The following RBFOX3 variants were observed in gnomAD, a reference collection of about 807,000 sequenced individuals.
RBFOX3 encodes RNA binding protein fox-1 homolog 3.
In RBFOX3, 17 loss-of-function variants were observed where a neutral mutation model predicts 48.7. The ratio of observed to expected loss-of-function variants is 0.35; its 90% CI spans 0.24 to 0.52. The LOEUF is 0.52. RBFOX3 is among the 20% of genes least tolerant of loss of function. The probability of loss-of-function intolerance (pLI) is 0.94; values close to 1 mark genes in which losing one functional copy is unlikely to be tolerated. For synonymous variants in RBFOX3, 212 were observed against 209.5 expected (o/e 1.01, Z -0.10); for missense variants, 382 against 497.5 (o/e 0.77, Z 2.21).
intron 2 of RBFOX3, among the ~76,000 whole-genome samples, chr17:79,459,428 A>C (rs1555747309): frequency 6.6e-6 from 1 of 152,256 alleles, no homozygotes; most frequent in Middle Eastern, 3.4e-3. Flanking sequence ...AGTCCTGTGG[A>C]ACCCAGTGTG....
chr17:79,172,066 C>T (rs766699403), intron 4 of RBFOX3, among the ~76,000 whole-genome samples: 3 of 147,832 alleles, frequency 2.0e-5, no homozygotes, highest in South Asian at 2.2e-4. Flanking sequence ...CCCAGCTACT[C>T]GGGAGGCTGA....
At chr17:79,244,637 G>T (rs150906905) in intron 3 of RBFOX3, among the ~76,000 whole-genome samples, 3 of 152,040 alleles carry the variant, frequency 2.0e-5, no homozygotes, top group Non-Finnish European at 4.4e-5. Flanking sequence ...GCTCTTCCAC[G>T]ACTTCTCCAT....
chr17:79,521,639 TCA>T (rs1330592575), intron 1 of RBFOX3, among the ~76,000 whole-genome samples: 19 of 151,016 alleles, frequency 1.3e-4, no homozygotes, highest in African/African-American at 4.4e-4. Context: ...TCATATACAC[TCA>T]CACACAGATA....
rs1003869010 is a variant in RBFOX3, at chr17:79,418,713, C to A, written c.-175+63741G>T. On this transcript the variant is annotated intron_variant, in intron 2 of 14. Coordinates refer to ENST00000693108, the MANE Select transcript of RBFOX3 (RefSeq NM_001350451.2). The surrounding 1 kb of genome is among the most constrained non-coding windows in gnomAD (Gnocchi z 5.0). ...CCTGGCATCCCCCAAGTCTGGGTGGCAAATCCACTCTCCTTAGACTTGCTG... is the reference window on the plus strand; with the variant it reads ...CCTGGCATCCCCCAAGTCTGGGTGGAAAATCCACTCTCCTTAGACTTGCTG... Among the ~76,000 whole-genome samples, 2 of 152,228 alleles carry A rather than the reference C, an allele frequency of 1.3e-5. No homozygotes were observed. The highest frequency in any genetic ancestry group is 1.9e-4 in the East Asian group (1 of 5,160).
intron 4 of RBFOX3, among the ~76,000 whole-genome samples, chr17:79,128,375 G>C (rs1411953565): frequency 1.3e-5 from 2 of 152,186 alleles, no homozygotes; most frequent in Non-Finnish European, 2.9e-5. Context: ...TGAGGTCCCA[G>C]AAGCAGGTTT....
At chr17:79,342,189 C>T (rs898861720) in intron 2 of RBFOX3, among the ~76,000 whole-genome samples, 3 of 152,186 alleles carry the variant, frequency 2.0e-5, no homozygotes, top group Admixed American at 1.3e-4. Context: ...ATTTATGGGG[C>T]CCTTGTTGGG....
Position 79,326,429 on chromosome 17 carries a change from G to A in RBFOX3, c.-174-18605C>T, listed in dbSNP as rs2146199077. ...CGCCCATGCACTTTGACACTGATGTGCACAGGGGAAGGGAAGAGAGTGAAT... is the reference window on the plus strand; with the variant it reads ...CGCCCATGCACTTTGACACTGATGTACACAGGGGAAGGGAAGAGAGTGAAT... On this transcript the variant is annotated intron_variant, in intron 2 of 14. Transcript: ENST00000693108. Among the ~76,000 whole-genome samples, 3 of 152,330 alleles carry A rather than the reference G, an allele frequency of 2.0e-5. No homozygotes were observed. The South Asian group carries it at 6.2e-4, about 32-fold the overall frequency.
At chr17:79,286,044 T>C (rs994764194) in intron 3 of RBFOX3, among the ~76,000 whole-genome samples, 3 of 152,226 alleles carry the variant, frequency 2.0e-5, no homozygotes, top group Non-Finnish European at 4.4e-5. Flanking sequence ...ATGGGCAGAA[T>C]GGCTGCTGGC....
intron 2 of RBFOX3, among the ~76,000 whole-genome samples, chr17:79,340,310 CAAAAAACAAAAA>C (rs1296612647): frequency 7.3e-6 from 1 of 137,318 alleles, no homozygotes; most frequent in Non-Finnish European, 1.6e-5. Flanking sequence ...AAAAAAAAAA[CAAAAAACAAAAA>C]CAAAACTCTC....
At position 79,103,214 on chromosome 17, in the gene RBFOX3, T is replaced by G. The variant is rs2076764410; in HGVS notation, c.455A>C (p.Asp152Ala). 1 of 1,551,270 alleles carries G rather than the reference T, an allele frequency of 6.4e-7. No individual in the cohort carries two copies. Among genetic ancestry groups the G allele is most frequent in the Non-Finnish European group, 8.7e-7 (1 of 1,146,900 alleles). The change falls in exon 8 of 15, where the codon GAC becomes GCC. Residue 152 changes from aspartate to alanine, a missense_variant. Coordinates refer to ENST00000693108, the MANE Select transcript of RBFOX3 (RefSeq NM_001350451.2). The surrounding 1 kb of genome is among the most constrained non-coding windows in gnomAD (Gnocchi z 6.1). Reference protein sequence around the residue: ...FVTFETSSDADRAREKLNGTI... With the variant: ...FVTFETSSDAARAREKLNGTI... ...CCCATTCAGCTTCTCCCGGGCTCGGTCAGCATCTGAGCTAGTTTCAAAAGT... is the reference window on the plus strand; with the variant it reads ...CCCATTCAGCTTCTCCCGGGCTCGGGCAGCATCTGAGCTAGTTTCAAAAGT...
At chr17:79,617,164 T>C in the RBFOX3 span, among the ~76,000 whole-genome samples, 1 of 152,138 alleles carries the variant, frequency 6.6e-6, no homozygotes, top group Non-Finnish European at 1.5e-5. Flanking sequence ...CACGCCTCCT[T>C]CTAGTTTCAT....
chr17:79,228,985 T>C (rs1447415852), intron 4 of RBFOX3, among the ~76,000 whole-genome samples: 2 of 151,850 alleles, frequency 1.3e-5, no homozygotes, highest in African/African-American at 4.8e-5. Context: ...CCCAGCACTT[T>C]GGGAGGCCGA....
At chr17:79,153,402 C>T (rs1010397858) in intron 4 of RBFOX3, among the ~76,000 whole-genome samples, 10 of 152,214 alleles carry the variant, frequency 6.6e-5, no homozygotes, top group Admixed American at 5.2e-4. Flanking sequence ...ATTCTCTCCA[C>T]GAGAAGCCCA....
intron 2 of RBFOX3, among the ~76,000 whole-genome samples, chr17:79,385,576 C>G (rs2060456727): frequency 6.6e-6 from 1 of 152,164 alleles, no homozygotes; most frequent in South Asian, 2.1e-4. Context: ...CTCAGTGAGT[C>G]ACAAAGACAG....
chr17:79,445,963 G>A (rs1156714800), intron 2 of RBFOX3, among the ~76,000 whole-genome samples: 1 of 152,226 alleles, frequency 6.6e-6, no homozygotes, highest in Non-Finnish European at 1.5e-5. Context: ...TGTCACAGCT[G>A]TGGCTGGGGG....
In RBFOX3 at chr17:79,477,241, AT is replaced by A. The variant is rs2077953845; in HGVS notation, c.-175+5212del. ...GAGCAAGGCTCCGTTTCAAAAAAAA[AT>A]AAATAAAGATAAATTAAAAAAAAAA... On this transcript the variant is annotated intron_variant, in intron 2 of 14. Coordinates refer to ENST00000693108, the MANE Select transcript of RBFOX3 (RefSeq NM_001350451.2). The surrounding 1 kb of genome is among the most constrained non-coding windows in gnomAD (Gnocchi z 4.8). Among the ~76,000 whole-genome samples, 1 of 128,822 alleles carries A rather than the reference AT, an allele frequency of 7.8e-6. No homozygotes were observed. Among genetic ancestry groups the A allele is most frequent in the Admixed American group, 8.6e-5 (1 of 11,576 alleles). 84.5% of individuals were successfully genotyped at this position (128,822 alleles called of 152,430 possible).
intron 1 of RBFOX3, among the ~76,000 whole-genome samples, chr17:79,519,482 AC>A (rs1269493439): frequency 6.6e-6 from 1 of 152,236 alleles, no homozygotes; most frequent in Non-Finnish European, 1.5e-5. Flanking sequence ...GGAGGAGGCC[AC>A]AGCCCTGCTT....
At chr17:79,377,889 A>G (rs1248619162) in intron 2 of RBFOX3, among the ~76,000 whole-genome samples, 1 of 152,136 alleles carries the variant, frequency 6.6e-6, no homozygotes, top group Admixed American at 6.5e-5. Flanking sequence ...CACTCTAGAG[A>G]GGGGGCAGGG....
chr17:79,305,940 G>T (rs2145515532), intron 3 of RBFOX3, among the ~76,000 whole-genome samples: 1 of 152,324 alleles, frequency 6.6e-6, no homozygotes, highest in African/African-American at 2.4e-5. Flanking sequence ...CAGCAGTTGT[G>T]CAAGCCAGTG....
Sources: allele counts gnomAD v4.1 joint callset (sites outside exome capture counted in the v4.1 genomes callset), GRCh38; gene constraint gnomAD v4.1.1; non-coding constraint Gnocchi (gnomAD v3.1); transcripts MANE v1.5; gene names NCBI Gene and HGNC (gene_info 2026-07-23, HGNC 2026-07-21).